CMSS1: variants seen among roughly 807,000 people sequenced by gnomAD.
CMSS1 encodes protein CMSS1.
CMSS1 carries 33 observed loss-of-function variants against 43.5 expected under a neutral mutation model. The observed-to-expected ratio is 0.76, with a 90% CI of 0.57 to 1.01. CMSS1 has a LOEUF of 1.01. CMSS1 is among the 50% of genes least tolerant of loss of function. The probability of loss-of-function intolerance (pLI) is 0.00; values close to 1 mark genes in which losing one functional copy is unlikely to be tolerated. For missense variants in CMSS1, 313 were observed against 326.4 expected, an observed-to-expected ratio of 0.96 and a Z score of 0.32; for synonymous variants, 115 against 117.2, an observed-to-expected ratio of 0.98 and a Z score of 0.12.
chr3:100,065,169 C>T (rs2065642775), intron 1 of CMSS1, among the ~76,000 whole-genome samples: 1 of 152,114 alleles, frequency 6.6e-6, no homozygotes, highest in African/African-American at 2.4e-5. Flanking sequence ...TGTAACAATG[C>T]GGGTTCCCAG....
intron 1 of CMSS1, among the ~76,000 whole-genome samples, chr3:100,110,444 A>G (rs139743989): frequency 1.4e-4 from 21 of 152,216 alleles, no homozygotes; most frequent in African/African-American, 5.1e-4. Flanking sequence ...TTCCTAGTCA[A>G]GTGATTGTCC....
At chr3:99,975,198 T>G (rs1159532454) in intron 1 of CMSS1, among the ~76,000 whole-genome samples, 2 of 152,236 alleles carry the variant, frequency 1.3e-5, no homozygotes, top group Non-Finnish European at 2.9e-5. Context: ...GAAAGGAATT[T>G]CTATTTGTTC....
chr3:99,991,558 C>G lies in CMSS1; in HGVS notation c.65-155415C>G, dbSNP rs1486510088. ...TTTAGTGTACCCATCACCCAAATCA[C>G]AGACATTGTACCCAATAGGTAATTT... On this transcript the variant is annotated intron_variant, in intron 1 of 9. Coordinates refer to ENST00000421999, the MANE Select transcript of CMSS1 (RefSeq NM_032359.4). Among the ~76,000 whole-genome samples the G allele has an allele frequency of 2.0e-5, 3 of 151,990 alleles. No homozygotes were observed. The East Asian group carries it at 5.8e-4, about 29-fold the overall frequency.
At chr3:99,824,112 G>C (rs1432441154) in intron 1 of CMSS1, among the ~76,000 whole-genome samples, 1 of 151,930 alleles carries the variant, frequency 6.6e-6, no homozygotes, top group East Asian at 1.9e-4. Context: ...TAGCAGAGAC[G>C]GGATTTCACC....
chr3:99,895,449 T>C lies in CMSS1; in HGVS notation c.64+77406T>C, dbSNP rs138017863. Among the ~76,000 whole-genome samples the C allele has an allele frequency of 1.4e-3, 217 of 152,000 alleles. 1 individual carries two copies. The highest frequency in any genetic ancestry group is 5.0e-3 in the African/African-American group (206 of 41,448). ...AATATTTGTGGCTTATTCAAGGTACTGTATTTCCTTCCGCTCATGGGCAAG... is the reference window on the plus strand; with the variant it reads ...AATATTTGTGGCTTATTCAAGGTACCGTATTTCCTTCCGCTCATGGGCAAG... On this transcript the variant is annotated intron_variant, in intron 1 of 9. Transcript: ENST00000421999.
chr3:99,882,478 G>A (rs187399273), intron 1 of CMSS1, among the ~76,000 whole-genome samples: 1 of 152,196 alleles, frequency 6.6e-6, no homozygotes, highest in Non-Finnish European at 1.5e-5. Flanking sequence ...AAGAGTAAAA[G>A]GTGTGCTTAG....
At chr3:100,045,321 C>T (rs1354552289) in intron 1 of CMSS1, among the ~76,000 whole-genome samples, 1 of 152,098 alleles carries the variant, frequency 6.6e-6, no homozygotes. Context: ...GCCATTATTA[C>T]TATGTCTAGG....
At chr3:99,928,357 G>C (rs1707363741) in intron 1 of CMSS1, among the ~76,000 whole-genome samples, 1 of 152,216 alleles carries the variant, frequency 6.6e-6, no homozygotes, top group Non-Finnish European at 1.5e-5. Context: ...TGAGGACAGA[G>C]AAATCCATAA....
Position 100,088,379 on chromosome 3 carries a change from A to G in CMSS1, c.65-58594A>G, listed in dbSNP as rs6778756. Among the ~76,000 whole-genome samples, 693 of 152,274 alleles carry G rather than the reference A, an allele frequency of 4.6e-3. 7 individuals carry two copies. Among genetic ancestry groups the G allele is most frequent in the African/African-American group, 0.016 (679 of 41,562 alleles). ...CCTAGATCCCCCAAAACTACAAATAATGCAAATGAGTAAGTTATTATTGTC... is the reference window on the plus strand; with the variant it reads ...CCTAGATCCCCCAAAACTACAAATAGTGCAAATGAGTAAGTTATTATTGTC... On this transcript the variant is annotated intron_variant, in intron 1 of 9. Coordinates refer to ENST00000421999, the MANE Select transcript of CMSS1 (RefSeq NM_032359.4).
intron 1 of CMSS1, among the ~76,000 whole-genome samples, chr3:99,888,461 G>A (rs886297175): frequency 6.6e-6 from 1 of 152,128 alleles, no homozygotes; most frequent in East Asian, 1.9e-4. Context: ...AGAAAAGTTG[G>A]TGGCTGGGTA....
At chr3:100,021,960 T>TGTGTGA (rs1321185364) in intron 1 of CMSS1, among the ~76,000 whole-genome samples, 76 of 93,320 alleles carry the variant, frequency 8.1e-4, no homozygotes, top group African/African-American at 1.6e-3. Context: ...TGTGTGTGTG[T>TGTGTGA]GAGAGAGAGA....
chr3:99,966,373 A>AC (rs1708651684), intron 1 of CMSS1, among the ~76,000 whole-genome samples: 1 of 151,670 alleles, frequency 6.6e-6, no homozygotes, highest in African/African-American at 2.4e-5. Flanking sequence ...TGAAGCCTGA[A>AC]CCCTTCCAGA....
At chr3:100,014,891 C>CTTTTTTTTTTTTTTTTTT (rs1710284139) in intron 1 of CMSS1, among the ~76,000 whole-genome samples, 17 of 27,220 alleles carry the variant, frequency 6.2e-4, no homozygotes, top group South Asian at 1.5e-3. Flanking sequence ...TTTTTTCTTT[C>CTTTTTTTTTTTTTTTTTT]TTTCTTTTTT....
chr3:99,903,567 A>G (rs1486354638), intron 1 of CMSS1, among the ~76,000 whole-genome samples: 1 of 152,188 alleles, frequency 6.6e-6, no homozygotes, highest in Non-Finnish European at 1.5e-5. Context: ...CATGTTTTAA[A>G]GAATTTTCCA....
intron 1 of CMSS1, among the ~76,000 whole-genome samples, chr3:100,087,095 A>G (rs539199040): frequency 2.6e-5 from 4 of 152,332 alleles, no homozygotes; most frequent in African/African-American, 9.6e-5. Flanking sequence ...TGCTAATCCA[A>G]TTACGAGTTG....
chr3:99,843,729 G>C (rs1018082004), intron 1 of CMSS1, among the ~76,000 whole-genome samples: 2 of 152,120 alleles, frequency 1.3e-5, no homozygotes, highest in Admixed American at 1.3e-4. Context: ...TAGAGCAGGG[G>C]CCTCTAAACC....
At chr3:100,081,911 C>G (rs1451895790) in intron 1 of CMSS1, among the ~76,000 whole-genome samples, 1 of 152,146 alleles carries the variant, frequency 6.6e-6, no homozygotes, top group Non-Finnish European at 1.5e-5. Flanking sequence ...TTAAAAATGT[C>G]TCCAGACACT....
chr3:100,144,530 A>G (rs1176714754), intron 1 of CMSS1, among the ~76,000 whole-genome samples: 2 of 152,306 alleles, frequency 1.3e-5, no homozygotes, highest in East Asian at 3.9e-4. Flanking sequence ...TGTCTCCAAC[A>G]TCACCCTGGT....
intron 1 of CMSS1, among the ~76,000 whole-genome samples, chr3:100,017,218 G>A (rs777728375): frequency 2.6e-5 from 4 of 152,040 alleles, no homozygotes; most frequent in Non-Finnish European, 5.9e-5. Flanking sequence ...AAAATGAATC[G>A]AGTGCTGGAG....
Sources: gnomAD v4.1 joint callset for allele counts (sites outside exome capture counted in the v4.1 genomes callset) on GRCh38, gnomAD v4.1.1 for gene constraint, MANE v1.5 for transcripts, NCBI Gene and HGNC (gene_info 2026-07-23, HGNC 2026-07-21) for gene names.